KCNIP1: variants seen among roughly 807,000 people sequenced by gnomAD.
The protein encoded by KCNIP1 is potassium voltage-gated channel interacting protein 1.
Under a neutral mutation model 33.0 loss-of-function variants are expected in KCNIP1, and 18 were observed. That is an observed-to-expected ratio of 0.55 (90% CI 0.38 to 0.81). The LOEUF is 0.81. Among genes scored for constraint, KCNIP1 ranks in the 30% least tolerant of loss-of-function variants. The pLI, the probability that KCNIP1 is intolerant of heterozygous loss-of-function variation, is 0.00. For synonymous variants in KCNIP1, 93 were observed against 98.3 expected (o/e 0.95, Z 0.32); for missense variants, 238 against 271.6 (o/e 0.88, Z 0.87).
intron 1 of KCNIP1, among the ~76,000 whole-genome samples, chr5:170,552,068 G>A (rs764272736): frequency 3.2e-4 from 49 of 152,098 alleles, no homozygotes; most frequent in Admixed American, 3.0e-3. Flanking sequence ...ATGGGCTGGA[G>A]GGAGGACCAG....
chr5:170,673,247 A>C (rs1761991133), intron 1 of KCNIP1, among the ~76,000 whole-genome samples: 1 of 152,258 alleles, frequency 6.6e-6, no homozygotes, highest in African/African-American at 2.4e-5. Context: ...TGACACAGTT[A>C]AAGTGAGACA....
intron 1 of KCNIP1, among the ~76,000 whole-genome samples, chr5:170,627,254 G>A (rs1304151498): frequency 6.6e-6 from 1 of 152,138 alleles, no homozygotes; most frequent in African/African-American, 2.4e-5. Flanking sequence ...AGCTGTTCTT[G>A]GCCCCAAACA....
intron 1 of KCNIP1, among the ~76,000 whole-genome samples, chr5:170,588,612 A>G (rs1758088745): frequency 6.6e-6 from 1 of 152,088 alleles, no homozygotes; most frequent in African/African-American, 2.4e-5. Context: ...CGCCTCCCCA[A>G]ATCCTTCAGC....
At chr5:170,365,204 T>A (rs1763626185) in intron 1 of KCNIP1, among the ~76,000 whole-genome samples, 1 of 152,134 alleles carries the variant, frequency 6.6e-6, no homozygotes, top group Admixed American at 6.5e-5. Context: ...ACCTGAGGCC[T>A]GGGGAAGGCC....
intron 1 of KCNIP1, among the ~76,000 whole-genome samples, chr5:170,379,577 C>T (rs757397447): frequency 9.2e-5 from 14 of 152,108 alleles, no homozygotes; most frequent in Non-Finnish European, 1.5e-4. Context: ...GAGCCAGCTG[C>T]CTCCAGACAG....
chr5:170,456,930 G>A (rs1216667627), intron 1 of KCNIP1, among the ~76,000 whole-genome samples: 1 of 151,974 alleles, frequency 6.6e-6, no homozygotes, highest in Non-Finnish European at 1.5e-5. Flanking sequence ...ATGTTGCCCA[G>A]GCTGGTCTCA....
intron 1 of KCNIP1, among the ~76,000 whole-genome samples, chr5:170,524,100 G>A (rs181053074): frequency 2.6e-5 from 4 of 152,152 alleles, no homozygotes; most frequent in African/African-American, 9.6e-5. Flanking sequence ...TCATCCCCTG[G>A]GGACCAGCCT....
intron 1 of KCNIP1, among the ~76,000 whole-genome samples, chr5:170,404,872 C>T (rs192743890): frequency 2.6e-4 from 40 of 152,178 alleles, no homozygotes; most frequent in Non-Finnish European, 4.0e-4. Flanking sequence ...TGATTTTTTC[C>T]TTACTAATAC....
intron 1 of KCNIP1, among the ~76,000 whole-genome samples, chr5:170,598,868 G>A (rs1758562488): frequency 6.6e-6 from 1 of 151,106 alleles, no homozygotes; most frequent in East Asian, 1.9e-4. Context: ...GCCATCTGAT[G>A]TGCTCGTTCC....
intron 1 of KCNIP1, among the ~76,000 whole-genome samples, chr5:170,645,253 G>T (rs540107039): frequency 5.9e-5 from 9 of 152,076 alleles, no homozygotes; most frequent in Non-Finnish European, 1.3e-4. Flanking sequence ...GCTTTAAATG[G>T]GGAACAGGGT....
chr5:170,733,891 G>T lies in KCNIP1; in HGVS notation c.596G>T (p.Cys199Phe). 6.2e-7 allele frequency: 1 copy of T among 1,613,486 alleles called. No homozygotes were observed. Among genetic ancestry groups the T allele is most frequent in the Non-Finnish European group, 8.5e-7 (1 of 1,179,444 alleles). ...ACTTTAGATGAATTTCTTGAATCAT[G>T]TCAGGAGGTAAGGAGAGATCTCAGG... ...IVTLDEFLES[C>F]QEDDNIMRSL... Residue 199 changes from cysteine (C) to phenylalanine (F), a missense_variant, in exon 7 of 8, where the codon TGT (cysteine) becomes TTT (phenylalanine). Cys to Phe is a radical substitution (Grantham distance 205, BLOSUM62 -2). Coordinates refer to ENST00000328939, the MANE Select transcript of KCNIP1 (RefSeq NM_014592.4).
At chr5:170,379,381 G>A (rs1334018254) in intron 1 of KCNIP1, among the ~76,000 whole-genome samples, 5 of 152,188 alleles carry the variant, frequency 3.3e-5, no homozygotes, top group African/African-American at 9.6e-5. Context: ...GGAAACCAGG[G>A]AGGGACACAG....
intron 1 of KCNIP1, among the ~76,000 whole-genome samples, chr5:170,517,352 C>A (rs943603468): frequency 1.3e-5 from 2 of 152,194 alleles, no homozygotes; most frequent in South Asian, 4.1e-4. Flanking sequence ...CCTTGTCCCT[C>A]CCCCAACATT....
At chr5:170,718,105 A>G (rs748975278) in intron 1 of KCNIP1, among the ~76,000 whole-genome samples, 24 of 152,254 alleles carry the variant, frequency 1.6e-4, no homozygotes, top group Non-Finnish European at 3.1e-4. Context: ...TAAGGGAGAC[A>G]TACTTAAACT....
intron 7 of KCNIP1, among the ~76,000 whole-genome samples, chr5:170,734,856 C>G (rs1279048976): frequency 6.6e-6 from 1 of 152,152 alleles, no homozygotes; most frequent in African/African-American, 2.4e-5. Context: ...GAACACTGAC[C>G]CCCTTGGGGG....
rs564463421 is a variant in KCNIP1, at chr5:170,379,096, T to C, written c.88+25132T>C. 163 of 1,210,866 alleles carry C rather than the reference T, an allele frequency of 1.3e-4. 3 individuals carry two copies. The South Asian group carries it at 2.3e-3, about 17-fold the overall frequency. The allele number at this position is 1,210,866 out of a possible 1,614,324, so 75.0% of individuals were successfully genotyped here. A position where few individuals can be genotyped will look rare whatever the true frequency, so the allele number is the denominator to read the frequency against. On this transcript the variant is annotated intron_variant, in intron 1 of 7. Coordinates refer to the KCNIP1 transcript ENST00000377360. ...GGCCCCTGGATTGGAGTCGGGGCTTTGGTCTAAAGCTTGGCAGGCCATGCG... is the reference window on the plus strand; with the variant it reads ...GGCCCCTGGATTGGAGTCGGGGCTTCGGTCTAAAGCTTGGCAGGCCATGCG...
At chr5:170,513,488 T>A (rs1170208624) in intron 1 of KCNIP1, among the ~76,000 whole-genome samples, 1 of 152,208 alleles carries the variant, frequency 6.6e-6, no homozygotes, top group Non-Finnish European at 1.5e-5. Flanking sequence ...AAGTTTTAGT[T>A]TACTCATTTT....
chr5:170,722,896 T>C, intron 5 of KCNIP1, 76 bp downstream of exon 5: 3 of 893,442 alleles, frequency 3.4e-6, no homozygotes, highest in Non-Finnish European at 3.7e-6. Context: ...GCCCCAGGCA[T>C]GAGGATAGCA....
intron 1 of KCNIP1, among the ~76,000 whole-genome samples, chr5:170,417,635 G>GT (rs200069072): frequency 1.4e-4 from 21 of 151,966 alleles, no homozygotes; most frequent in East Asian, 9.7e-4. Context: ...CCCATTCCCT[G>GT]TTTTTTTTGT....
Sources: allele counts gnomAD v4.1 joint callset (sites outside exome capture counted in the v4.1 genomes callset), GRCh38; gene constraint gnomAD v4.1.1; transcripts MANE v1.5; gene names NCBI Gene and HGNC (gene_info 2026-07-23, HGNC 2026-07-21).